Variants in CDK3 observed in about 807,000 individuals in gnomAD.
The protein encoded by CDK3 is cyclin-dependent kinase 3.
Under a neutral mutation model 30.2 loss-of-function variants are expected in CDK3, and 24 were observed. The observed-to-expected ratio is 0.79, with a 90% confidence interval of 0.57 to 1.12. The LOEUF is 1.12. Ranked by LOEUF, CDK3 falls within the 50% of genes most tolerant of loss-of-function variation. The pLI is 0.00. For synonymous variants in CDK3, 158 were observed against 154.2 expected (o/e 1.02, Z -0.18); for missense variants, 345 against 376.0 (o/e 0.92, Z 0.68).
chr17:76,001,135 A>T lies in CDK3; in HGVS notation c.-15+168A>T, dbSNP rs959595279. 8.0e-7 allele frequency: 1 copy of T among 1,255,616 alleles called. No individual in the cohort carries two copies. The highest frequency in any genetic ancestry group is 1.6e-5 in the African/African-American group (1 of 63,980). 77.8% of individuals were successfully genotyped at this position (1,255,616 alleles called of 1,614,324 possible). Reference sequence around the variant, plus strand: ...TGGGCCCTGCCCTCCGAGGCCGGGCATGGGCGAGAAGCCTGGGGGTCCTGG... The same window carrying T: ...TGGGCCCTGCCCTCCGAGGCCGGGCTTGGGCGAGAAGCCTGGGGGTCCTGG... On this transcript the variant is annotated intron_variant, in intron 1 of 7. Transcript: ENST00000448471. The surrounding 1 kb of genome is among the most constrained non-coding windows in gnomAD (Gnocchi z 6.2).
In CDK3 at chr17:76,005,455, G is replaced by T. The variant is rs546544216; in HGVS notation, c.*32G>T. The T allele has an allele frequency of 6.3e-7, 1 of 1,596,308 alleles. No homozygotes were observed. Among genetic ancestry groups the T allele is most frequent in the Non-Finnish European group, 8.6e-7 (1 of 1,167,578 alleles). On this transcript the variant is annotated 3_prime_UTR_variant, in exon 8 of 8. Coordinates refer to ENST00000448471, the MANE Select transcript of CDK3 (RefSeq NM_001258.4). The surrounding 1 kb of genome is among the most constrained non-coding windows in gnomAD (Gnocchi z 4.7). ...CAAGGCCACACTCAGATCCTTTCTC[G>T]AGCAGCTGCTGCCCCAGCTGCCTCC...
In CDK3 at chr17:76,002,411, C is replaced by G. The variant is rs753726718; in HGVS notation, c.479C>G (p.Thr160Ser). Residue 160 changes from threonine (T) to serine (S), a missense_variant, in exon 5 of 8, where the codon ACC (threonine) becomes AGC (serine). Coordinates refer to ENST00000448471, the MANE Select transcript of CDK3 (RefSeq NM_001258.4). The surrounding 1 kb of genome is among the most constrained non-coding windows in gnomAD (Gnocchi z 4.3). ...RAFGVPLRTY[T>S]HEVVTLWYRA... ...TTCGGGGTGCCCCTGCGCACCTACA[C>G]CCATGAGGTATTGTGAGACAAAGAG... 9 of 1,612,334 alleles carry G rather than the reference C, an allele frequency of 5.6e-6. No individual in the cohort carries two copies. Among genetic ancestry groups the G allele is most frequent in the Admixed American group, 3.3e-5 (2 of 59,932 alleles).
rs775801283 is a variant in CDK3, at chr17:76,003,257, T to A, written c.651T>A (p.Arg217=). The A allele has an allele frequency of 1.1e-5, 18 of 1,614,088 alleles. No individual in the cohort carries two copies. The highest frequency in any genetic ancestry group is 1.7e-5 in the Admixed American group (1 of 60,006). Residue 217 remains arginine (R), a synonymous_variant, in exon 7 of 8, where the codon CGT becomes CGA. Transcript: ENST00000448471. ...SEIDQLFRIF[R]MLGTPSEDTW... is the part of the protein sequence containing the mutation. Reference sequence around the variant, plus strand: ...TTGACCAGCTCTTTCGTATCTTTCGTATGCTGGGGACACCCAGCGAAGACA... The same window carrying A: ...TTGACCAGCTCTTTCGTATCTTTCGAATGCTGGGGACACCCAGCGAAGACA...
At chr17:76,003,627 A>C (rs1236443774) in intron 7 of CDK3, among the ~76,000 whole-genome samples, 1 of 152,226 alleles carries the variant, frequency 6.6e-6, no homozygotes, top group Non-Finnish European at 1.5e-5. Context: ...CTCTGTCTTT[A>C]TGCTGTGCTA....
In CDK3 at chr17:76,001,406, T is replaced by G. The variant is rs2066258019; in HGVS notation, c.-14-6T>G. 6.2e-7 allele frequency: 1 copy of G among 1,613,888 alleles called. No homozygotes were observed. ...TGCAAATTGCCCGGTGCCTTCTGTT[T>G]CCCAGGCAGCTCTGTGGCCATGGAT... On this transcript the variant is annotated splice_polypyrimidine_tract_variant and splice_region_variant and intron_variant, in intron 1 of 7. Coordinates refer to ENST00000448471, the MANE Select transcript of CDK3 (RefSeq NM_001258.4). This position sits in a 1 kb window ranked among gnomAD's most constrained non-coding sequence, Gnocchi z 6.2.
Position 76,001,984 on chromosome 17 carries a change from T to G in CDK3, c.194+33T>G. The G allele has an allele frequency of 6.2e-7, 1 of 1,613,890 alleles. No individual in the cohort carries two copies. The highest frequency in any genetic ancestry group is 8.5e-7 in the Non-Finnish European group (1 of 1,179,840). The stretch of plus-strand genomic sequence containing the variant: ...GGGGATTGAGGTGGGGAAGCTGGGA[T>G]GGCGAAGGTAGCATCCTGACTGCCA... On this transcript the variant is annotated intron_variant, in intron 3 of 7. Transcript: ENST00000448471. This position sits in a 1 kb window ranked among gnomAD's most constrained non-coding sequence, Gnocchi z 6.2.
chr17:76,003,530 G>A (rs2066280810), intron 7 of CDK3, 132 bp downstream of exon 7: 1 of 672,418 alleles, frequency 1.5e-6, no homozygotes, highest in Non-Finnish European at 2.5e-6. Flanking sequence ...CAACTGGCTT[G>A]GGTATACTGA....
At position 76,002,891 on chromosome 17, in the gene CDK3, T is replaced by C. The variant is rs2066274590; in HGVS notation, c.588+279T>C. 3.7e-6 allele frequency: 2 copies of C among 536,394 alleles called. No individual in the cohort carries two copies. Among genetic ancestry groups the C allele is most frequent in the Admixed American group, 6.5e-5 (2 of 30,652 alleles). 33.2% of individuals were successfully genotyped at this position (536,394 alleles called of 1,614,324 possible). A position where few individuals can be genotyped will look rare whatever the true frequency, so the allele number is the denominator to read the frequency against. On this transcript the variant is annotated intron_variant, in intron 6 of 7. Transcript: ENST00000448471. The surrounding 1 kb of genome is among the most constrained non-coding windows in gnomAD (Gnocchi z 4.3). ...GTGCATGCTTGTAGTCCCAGCTACT[T>C]GGGAGGTTGAGGCAGGAGGATTGCT...
chr17:76,000,879 GC>G lies in CDK3; in HGVS notation c.-98del. On this transcript the variant is annotated 5_prime_UTR_variant, in exon 1 of 8. Transcript: ENST00000448471. This position sits in a 1 kb window ranked among gnomAD's most constrained non-coding sequence, Gnocchi z 5.9. ...AAGACCCTCCTGACCCCTGACCTCT[GC>G]CCCCAGTGGCCCTGGCCCCTGGGCA... is the stretch of plus-strand genomic sequence containing the variant. 9.5e-7 allele frequency: 1 copy of G among 1,048,850 alleles called. No homozygotes were observed. The highest frequency in any genetic ancestry group is 1.2e-6 in the Non-Finnish European group (1 of 868,240). The allele number at this position is 1,048,850 out of a possible 1,614,324, so 65.0% of individuals were successfully genotyped here. A position where few individuals can be genotyped will look rare whatever the true frequency, so the allele number is the denominator to read the frequency against.
chr17:76,000,926 G>A lies in CDK3; in HGVS notation c.-56G>A. The A allele has an allele frequency of 3.8e-6, 4 of 1,063,428 alleles. No individual in the cohort carries two copies. The highest frequency in any genetic ancestry group is 4.6e-6 in the Non-Finnish European group (4 of 876,576). The allele number at this position is 1,063,428 out of a possible 1,614,324, so 65.9% of individuals were successfully genotyped here. A position where few individuals can be genotyped will look rare whatever the true frequency, so the allele number is the denominator to read the frequency against. On this transcript the variant is annotated 5_prime_UTR_variant, in exon 1 of 8. Coordinates refer to ENST00000448471, the MANE Select transcript of CDK3 (RefSeq NM_001258.4). The surrounding 1 kb of genome is among the most constrained non-coding windows in gnomAD (Gnocchi z 5.9). ...GGGCAGCCCTTCCTGGCCGCCATGT[G>A]TACCCAGAGCCTGGGACTGGCTGGG...
In CDK3 at chr17:76,005,449, T is replaced by C; in HGVS notation, c.*26T>C. 6.3e-7 allele frequency: 1 copy of C among 1,599,854 alleles called. No individual in the cohort carries two copies. Among genetic ancestry groups the C allele is most frequent in the South Asian group, 1.1e-5 (1 of 90,278 alleles). ...GAATGTCAAGGCCACACTCAGATCC[T>C]TTCTCGAGCAGCTGCTGCCCCAGCT... On this transcript the variant is annotated 3_prime_UTR_variant, in exon 8 of 8. Transcript: ENST00000448471. This position sits in a 1 kb window ranked among gnomAD's most constrained non-coding sequence, Gnocchi z 4.7.
Position 76,002,863 on chromosome 17 carries a change from G to C in CDK3, c.588+251G>C. 1 of 544,800 alleles carries C rather than the reference G, an allele frequency of 1.8e-6. No individual in the cohort carries two copies. Among genetic ancestry groups the C allele is most frequent in the Non-Finnish European group, 3.3e-6 (1 of 303,254 alleles). 33.7% of individuals were successfully genotyped at this position (544,800 alleles called of 1,614,324 possible). A position where few individuals can be genotyped will look rare whatever the true frequency, so the allele number is the denominator to read the frequency against. On this transcript the variant is annotated intron_variant, in intron 6 of 7. Transcript: ENST00000448471. This position sits in a 1 kb window ranked among gnomAD's most constrained non-coding sequence, Gnocchi z 4.3. ...AAACTACAAAAATTAGCTGGGTGTG[G>C]TGGTGCATGCTTGTAGTCCCAGCTA...
Position 76,005,276 on chromosome 17 carries a change from C to T in CDK3, c.793-22C>T, listed in dbSNP as rs1300495118. The T allele has an allele frequency of 1.2e-6, 2 of 1,611,828 alleles. No individual in the cohort carries two copies. The highest frequency in any genetic ancestry group is 8.5e-7 in the Non-Finnish European group (1 of 1,178,740). Reference sequence around the variant, plus strand: ...CACCCTGGCTGCACCCAGACCACATCTTCTTCCTTCTTTCTTCCTAGCAAC... The same window carrying T: ...CACCCTGGCTGCACCCAGACCACATTTTCTTCCTTCTTTCTTCCTAGCAAC... On this transcript the variant is annotated intron_variant, in intron 7 of 7. Transcript: ENST00000448471. The surrounding 1 kb of genome is among the most constrained non-coding windows in gnomAD (Gnocchi z 4.7).
rs536365282 is a variant in CDK3 at position 76,001,556 on chromosome 17, G to A, written c.116+15G>A. 70 of 1,607,558 alleles carry A rather than the reference G, an allele frequency of 4.4e-5. No individual in the cohort carries two copies. The South Asian group carries it at 5.8e-4, about 13-fold the overall frequency. Reference sequence around the variant, plus strand: ...AGACTGGATTTGTGAGTGCTGGGACGGCCCCTGAGTTACCCACCCTGGGCC... The same window carrying A: ...AGACTGGATTTGTGAGTGCTGGGACAGCCCCTGAGTTACCCACCCTGGGCC... On this transcript the variant is annotated intron_variant, in intron 2 of 7. Coordinates refer to ENST00000448471, the MANE Select transcript of CDK3 (RefSeq NM_001258.4). This position sits in a 1 kb window ranked among gnomAD's most constrained non-coding sequence, Gnocchi z 6.2.
chr17:76,003,149 A>G (rs1189108881), intron 6 of CDK3, 46 bp from the exon 7 acceptor site: 2 of 1,528,854 alleles, frequency 1.3e-6, no homozygotes, highest in South Asian at 2.2e-5. Flanking sequence ...TGGATTCTGT[A>G]TAACAAAGTG....
In CDK3 at chr17:76,002,236, T is replaced by C. The variant is rs1198710357; in HGVS notation, c.316-12T>C. 3 of 1,611,734 alleles carry C rather than the reference T, an allele frequency of 1.9e-6. No individual in the cohort carries two copies. Among genetic ancestry groups the C allele is most frequent in the East Asian group, 2.2e-5 (1 of 44,858 alleles). On this transcript the variant is annotated splice_polypyrimidine_tract_variant and intron_variant, in intron 4 of 7. Coordinates refer to ENST00000448471, the MANE Select transcript of CDK3 (RefSeq NM_001258.4). The surrounding 1 kb of genome is among the most constrained non-coding windows in gnomAD (Gnocchi z 4.3). Reference sequence around the variant, plus strand: ...CCGCTCAGCTGGCTGCACCTCGCGCTCGTTTCTCCAGAGCTACCTCTTCCA... The same window carrying C: ...CCGCTCAGCTGGCTGCACCTCGCGCCCGTTTCTCCAGAGCTACCTCTTCCA...
Position 76,001,560 on chromosome 17 carries a change from CCT to C in CDK3, c.116+20_116+21del, listed in dbSNP as rs1266723506. On this transcript the variant is annotated intron_variant, in intron 2 of 7. Transcript: ENST00000448471. This position sits in a 1 kb window ranked among gnomAD's most constrained non-coding sequence, Gnocchi z 6.2. ...TGGATTTGTGAGTGCTGGGACGGCCCCTGAGTTACCCACCCTGGGCCATCACA... is the reference window on the plus strand; with the variant it reads ...TGGATTTGTGAGTGCTGGGACGGCCCGAGTTACCCACCCTGGGCCATCACA... The C allele has an allele frequency of 6.3e-7, 1 of 1,599,774 alleles. No homozygotes were observed. The highest frequency in any genetic ancestry group is 1.7e-4 in the Middle Eastern group (1 of 5,980).
Position 76,005,615 on chromosome 17 carries a change from G to A in CDK3, c.*192G>A, listed in dbSNP as rs1477289734. 7.9e-6 allele frequency: 5 copies of A among 632,848 alleles called. No homozygotes were observed. Among genetic ancestry groups the A allele is most frequent in the Admixed American group, 3.5e-5 (1 of 28,600 alleles). The allele number at this position is 632,848 out of a possible 1,614,324, so 39.2% of individuals were successfully genotyped here. A position where few individuals can be genotyped will look rare whatever the true frequency, so the allele number is the denominator to read the frequency against. ...TCCTGTGTTGTTTTTTGGGTTGGAC[G>A]GTGCCGTTTCAAAATAGAGGCACAG... On this transcript the variant is annotated 3_prime_UTR_variant, in exon 8 of 8. Coordinates refer to ENST00000448471, the MANE Select transcript of CDK3 (RefSeq NM_001258.4). The surrounding 1 kb of genome is among the most constrained non-coding windows in gnomAD (Gnocchi z 4.7).
Position 76,005,229 on chromosome 17 carries a change from C to A in CDK3, c.793-69C>A. 1 of 1,569,632 alleles carries A rather than the reference C, an allele frequency of 6.4e-7. No individual in the cohort carries two copies. Among genetic ancestry groups the A allele is most frequent in the Non-Finnish European group, 8.7e-7 (1 of 1,154,528 alleles). ...GGGGCCCAGGCCCTTGATCTGGGAC[C>A]TGGGAGGGGAATTTCTCACCCCACC... On this transcript the variant is annotated intron_variant, in intron 7 of 7. Transcript: ENST00000448471. The surrounding 1 kb of genome is among the most constrained non-coding windows in gnomAD (Gnocchi z 4.7).
Sources: gnomAD v4.1 joint callset for allele counts (sites outside exome capture counted in the v4.1 genomes callset) on GRCh38, gnomAD v4.1.1 for gene constraint, Gnocchi (gnomAD v3.1) non-coding constraint, MANE v1.5 for transcripts, NCBI Gene and HGNC (gene_info 2026-07-23, HGNC 2026-07-21) for gene names.